CNTNAP5: variants seen among roughly 807,000 people sequenced by gnomAD.
CNTNAP5 encodes the protein contactin-associated protein-like 5.
A neutral mutation model predicts 150.2 loss-of-function variants in CNTNAP5; 72 were observed. The observed-to-expected ratio is 0.48, with a 90% confidence interval of 0.40 to 0.58. The LOEUF (loss-of-function observed/expected upper bound fraction) is 0.58. CNTNAP5 is among the 20% of genes least tolerant of loss of function. The probability of loss-of-function intolerance (pLI) is 0.00; values close to 1 mark genes in which losing one functional copy is unlikely to be tolerated. For synonymous variants in CNTNAP5, 672 were observed against 619.8 expected (o/e 1.08, Z -1.25); for missense variants, 1,636 against 1,626.2 (o/e 1.01, Z -0.10).
chr2:124,301,091 G>T (rs1688559031), intron 3 of CNTNAP5, among the ~76,000 whole-genome samples: 1 of 152,170 alleles, frequency 6.6e-6, no homozygotes, highest in African/African-American at 2.4e-5. Context: ...TTGTGATTTA[G>T]CAGTTTTGGG....
At chr2:124,275,987 G>A (rs935773359) in intron 3 of CNTNAP5, among the ~76,000 whole-genome samples, 1 of 152,062 alleles carries the variant, frequency 6.6e-6, no homozygotes, top group Non-Finnish European at 1.5e-5. Context: ...CCAAGTGAAA[G>A]GGTTTTTTGT....
chr2:124,083,106 T>C (rs2104676896), intron 1 of CNTNAP5, among the ~76,000 whole-genome samples: 1 of 152,290 alleles, frequency 6.6e-6, no homozygotes, highest in African/African-American at 2.4e-5. Flanking sequence ...ATCCCAGCAC[T>C]TTGGGAGGCT....
In CNTNAP5 at chr2:124,914,547, A is replaced by G. The variant is rs1678723703; in HGVS notation, c.*259A>G. 2.3e-6 allele frequency: 1 copy of G among 434,118 alleles called. No homozygotes were observed. The highest frequency in any genetic ancestry group is 4.2e-6 in the Non-Finnish European group (1 of 237,164). The allele number at this position is 434,118 out of a possible 1,614,324, so 26.9% of individuals were successfully genotyped here. A position where few individuals can be genotyped will look rare whatever the true frequency, so the allele number is the denominator to read the frequency against. On this transcript the variant is annotated 3_prime_UTR_variant, in exon 24 of 24. Coordinates refer to ENST00000682447, the MANE Select transcript of CNTNAP5 (RefSeq NM_001367498.1). ...GAGACTGACTTCGCCATTCAAGACAAGGAAGAGACACATGTGTGCACTCCT... is the reference window on the plus strand; with the variant it reads ...GAGACTGACTTCGCCATTCAAGACAGGGAAGAGACACATGTGTGCACTCCT...
intron 2 of CNTNAP5, among the ~76,000 whole-genome samples, chr2:124,225,035 A>G (rs926117209): frequency 1.3e-4 from 20 of 152,226 alleles, no homozygotes; most frequent in Admixed American, 7.2e-4. Context: ...ATTGTACCAC[A>G]TGGTTTGAAA....
At chr2:124,669,194 A>C (rs1338371503) in intron 13 of CNTNAP5, among the ~76,000 whole-genome samples, 1 of 152,208 alleles carries the variant, frequency 6.6e-6, no homozygotes, top group Non-Finnish European at 1.5e-5. Flanking sequence ...TTATATCCTC[A>C]GGGACAGGAC....
intron 5 of CNTNAP5, among the ~76,000 whole-genome samples, chr2:124,437,384 T>C (rs975034673): frequency 6.6e-6 from 1 of 152,094 alleles, no homozygotes; most frequent in African/African-American, 2.4e-5. Context: ...TAAGTATACA[T>C]TAGCCCCCAT....
chr2:124,568,736 T>C (rs1696086321), intron 11 of CNTNAP5, among the ~76,000 whole-genome samples: 1 of 152,176 alleles, frequency 6.6e-6, no homozygotes, highest in African/African-American at 2.4e-5. Context: ...AGCACTATGT[T>C]AAGCATCTTT....
At chr2:124,316,042 A>G (rs1688950649) in intron 3 of CNTNAP5, among the ~76,000 whole-genome samples, 1 of 152,250 alleles carries the variant, frequency 6.6e-6, no homozygotes, top group South Asian at 2.1e-4. Context: ...CTACAGAGAC[A>G]TAGATGCAGA....
At chr2:124,201,290 G>A (rs4311067) in intron 1 of CNTNAP5, among the ~76,000 whole-genome samples, 28,985 of 152,072 alleles carry the variant, frequency 0.19, 2,908 homozygotes, top group East Asian at 0.25. Context: ...AAATTGAGAT[G>A]TAACAATGTT....
chr2:124,510,518 T>TATATATATATATACACACAC (rs10641959), intron 8 of CNTNAP5, among the ~76,000 whole-genome samples: 1 of 124,918 alleles, frequency 8.0e-6, no homozygotes, highest in African/African-American at 3.2e-5. Context: ...TATATATATA[T>TATATATATATATACACACAC]ACATATATCT....
At chr2:124,591,936 A>G (rs1359655955) in intron 11 of CNTNAP5, among the ~76,000 whole-genome samples, 1 of 152,154 alleles carries the variant, frequency 6.6e-6, no homozygotes, top group African/African-American at 2.4e-5. Flanking sequence ...GCAAATACAA[A>G]TAAGTTCATA....
rs984353619 is a variant in CNTNAP5 at position 124,914,163 on chromosome 2, A to G, written c.3799A>G (p.Lys1267Glu). The change falls in exon 24 of 24, where the codon AAG (lysine) becomes GAG (glutamate). Residue 1267 changes from lysine to glutamate, a missense_variant. By Grantham distance (56) the Lys-to-Glu change is moderately conservative (BLOSUM62 1). Coordinates refer to ENST00000682447, the MANE Select transcript of CNTNAP5 (RefSeq NM_001367498.1). ...CATGACCCGGTTCCTCTACCAGCAC[A>G]AGCAGTCACATCGTACGAGCCAGAT... ...GIMTRFLYQH[K>E]QSHRTSQMKE... 1 of 1,612,606 alleles carries G rather than the reference A, an allele frequency of 6.2e-7. No individual in the cohort carries two copies. Among genetic ancestry groups the G allele is most frequent in the East Asian group, 2.2e-5 (1 of 44,788 alleles).
chr2:124,538,671 A>G (rs917391558), intron 10 of CNTNAP5, among the ~76,000 whole-genome samples: 3 of 151,656 alleles, frequency 2.0e-5, no homozygotes, highest in African/African-American at 7.3e-5. Context: ...GGAAAGAAAG[A>G]AAGGAAGGAA....
In CNTNAP5 at chr2:124,256,390, A is replaced by ATTT. The variant is rs148475669; in HGVS notation, c.381+14005_381+14007dup. ...AGTGTAAATTCAGGAGAGGGCTGGC[A>ATTT]TTTTTTTTTTAAGTTTAAAGTTTAA... On this transcript the variant is annotated intron_variant, in intron 3 of 23. Transcript: ENST00000682447. 4.5e-3 allele frequency among the ~76,000 whole-genome samples: 677 copies of ATTT among 149,854 alleles called. 5 individuals are homozygous for ATTT. The highest frequency in any genetic ancestry group is 0.016 in the African/African-American group (656 of 40,936).
intron 11 of CNTNAP5, among the ~76,000 whole-genome samples, chr2:124,600,652 A>G (rs1042123271): frequency 6.6e-6 from 1 of 151,852 alleles, no homozygotes; most frequent in Non-Finnish European, 1.5e-5. Context: ...CACAACTCGA[A>G]TCCACCACAA....
chr2:124,782,823 C>A (rs1681483269), intron 17 of CNTNAP5, among the ~76,000 whole-genome samples: 1 of 152,094 alleles, frequency 6.6e-6, no homozygotes, highest in African/African-American at 2.4e-5. Context: ...AGGTATACAT[C>A]AACAGAAATA....
At chr2:124,341,362 T>A (rs1689610853) in intron 3 of CNTNAP5, among the ~76,000 whole-genome samples, 1 of 152,050 alleles carries the variant, frequency 6.6e-6, no homozygotes, top group Admixed American at 6.6e-5. Context: ...TTCAAAGCAA[T>A]AGGCAAGCCA....
Position 124,723,385 on chromosome 2 carries a change from G to C in CNTNAP5, c.2078-23844G>C, listed in dbSNP as rs183261675. ...ATCTCTGTCTGAGACCTCAAAAATC[G>C]CATTTAACATTCATTGTATTCCTAC... is the stretch of plus-strand genomic sequence containing the variant. On this transcript the variant is annotated intron_variant, in intron 13 of 23. Transcript: ENST00000682447. Among the ~76,000 whole-genome samples the C allele has an allele frequency of 1.7e-4, 26 of 152,042 alleles. 1 individual carries two copies. The South Asian group carries it at 1.9e-3, about 11-fold the overall frequency.
chr2:124,078,243 T>C (rs1180170022), intron 1 of CNTNAP5, among the ~76,000 whole-genome samples: 2 of 152,186 alleles, frequency 1.3e-5, no homozygotes, highest in Non-Finnish European at 2.9e-5. Flanking sequence ...ACATATTGAA[T>C]AGAAGACTGT....
Sources: gnomAD v4.1 joint callset for allele counts (sites outside exome capture counted in the v4.1 genomes callset) on GRCh38, gnomAD v4.1.1 for gene constraint, MANE v1.5 for transcripts, NCBI Gene and HGNC (gene_info 2026-07-23, HGNC 2026-07-21) for gene names.